Variants in CNTN6 observed in about 807,000 individuals in gnomAD.
CNTN6 encodes contactin 6.
CNTN6 carries 137 observed loss-of-function variants against 122.8 expected under a neutral mutation model. The observed-to-expected ratio is 1.12, with a 90% CI of 0.97 to 1.29. The LOEUF is 1.29. Ranked by LOEUF, CNTN6 falls within the 50% of genes most tolerant of loss-of-function variation. The probability of loss-of-function intolerance (pLI) is 0.00; values close to 1 mark genes in which losing one functional copy is unlikely to be tolerated. For synonymous variants in CNTN6, 570 were observed against 426.0 expected (o/e 1.34, Z -4.16); for missense variants, 1,634 against 1,223.4 (o/e 1.34, Z -5.01).
At chr3:1,185,181 G>C (rs1281420838) in intron 2 of CNTN6, among the ~76,000 whole-genome samples, 3 of 152,144 alleles carry the variant, frequency 2.0e-5, no homozygotes, top group Admixed American at 1.3e-4. Flanking sequence ...GAAGGTAATA[G>C]AATATGTCCT....
chr3:1,124,446 C>T (rs928832968), intron 1 of CNTN6, among the ~76,000 whole-genome samples: 16 of 151,876 alleles, frequency 1.1e-4, no homozygotes, highest in African/African-American at 3.4e-4. Context: ...GTCAAGTTAC[C>T]TTTGGCCTAT....
chr3:1,267,356 A>G (rs1477010331), intron 4 of CNTN6, among the ~76,000 whole-genome samples: 1 of 151,874 alleles, frequency 6.6e-6, no homozygotes, highest in Non-Finnish European at 1.5e-5. Context: ...TTTTTTAGTT[A>G]TGTGGTCTTG....
chr3:1,335,272 C>T (rs1702888465), intron 11 of CNTN6, among the ~76,000 whole-genome samples: 1 of 152,138 alleles, frequency 6.6e-6, no homozygotes, highest in Non-Finnish European at 1.5e-5. Context: ...GTATTTGTTG[C>T]TGTCATCGTA....
chr3:1,188,975 G>T (rs1227241651), intron 2 of CNTN6, among the ~76,000 whole-genome samples: 6 of 152,168 alleles, frequency 3.9e-5, no homozygotes, highest in Admixed American at 6.5e-5. Context: ...CCTGGCAGAA[G>T]CTTCACCTTT....
chr3:1,278,112 A>G lies in CNTN6; in HGVS notation c.359-301A>G, dbSNP rs538902368. ...AATCACACCTTCCTTGGACAGACAAAGTAAATATGTGTTGGGCTTCACAGA... is the reference window on the plus strand; with the variant it reads ...AATCACACCTTCCTTGGACAGACAAGGTAAATATGTGTTGGGCTTCACAGA... On this transcript the variant is annotated intron_variant, in intron 4 of 22. Coordinates refer to ENST00000446702, the MANE Select transcript of CNTN6 (RefSeq NM_001289080.2). Among the ~76,000 whole-genome samples, 88 of 152,340 alleles carry G rather than the reference A, an allele frequency of 5.8e-4. 3 individuals carry two copies. In the South Asian group the frequency reaches 0.017, roughly 29 times the overall value.
intron 1 of CNTN6, among the ~76,000 whole-genome samples, chr3:1,125,186 T>G (rs183353314): frequency 3.9e-5 from 6 of 152,104 alleles, no homozygotes; most frequent in Admixed American, 2.0e-4. Context: ...ATTTTAGTTA[T>G]CTAAATCTTT....
intron 20 of CNTN6, 63 bp downstream of exon 20, chr3:1,385,860 T>G (rs756304503): frequency 9.9e-6 from 14 of 1,410,574 alleles, no homozygotes; most frequent in Non-Finnish European, 1.3e-5. Context: ...TTCCTTTGCT[T>G]GATGTTCATT....
At chr3:1,133,529 A>G (rs989703954) in intron 1 of CNTN6, among the ~76,000 whole-genome samples, 3 of 152,202 alleles carry the variant, frequency 2.0e-5, no homozygotes, top group African/African-American at 7.2e-5. Context: ...CAAATCCTTC[A>G]CCTAGTGAGA....
intron 4 of CNTN6, among the ~76,000 whole-genome samples, chr3:1,263,560 A>T (rs2125715555): frequency 6.6e-6 from 1 of 152,248 alleles, no homozygotes; most frequent in East Asian, 1.9e-4. Context: ...TTCTCTAAGA[A>T]ACCTTTAATC....
chr3:1,388,245 T>TCCCTGAC (rs1423389889), intron 20 of CNTN6, among the ~76,000 whole-genome samples: 4 of 148,970 alleles, frequency 2.7e-5, no homozygotes, highest in Non-Finnish European at 6.0e-5. Flanking sequence ...CTCAAGTGGG[T>TCCCTGAC]CCCTGACCCC....
intron 4 of CNTN6, among the ~76,000 whole-genome samples, chr3:1,250,570 T>G (rs2094648869): frequency 6.6e-6 from 1 of 152,140 alleles, no homozygotes; most frequent in African/African-American, 2.4e-5. Flanking sequence ...TTGACTCCTG[T>G]GTACATAAGG....
At position 1,385,529 on chromosome 3, in the gene CNTN6, T is replaced by C. The variant is rs776380213; in HGVS notation, c.2518-82T>C. 3.7e-5 allele frequency: 41 copies of C among 1,104,894 alleles called. 1 individual carries two copies. The highest frequency in any genetic ancestry group is 2.3e-4 in the Middle Eastern group (1 of 4,430). The allele number at this position is 1,104,894 out of a possible 1,614,324, so 68.4% of individuals were successfully genotyped here. On this transcript the variant is annotated intron_variant, in intron 19 of 22. Transcript: ENST00000446702. ...TGTCTTCTTCCCATATTCCTTGTGG[T>C]TGTGGTTGATAGTTGTTGGTAAAAA...
chr3:1,275,468 A>G (rs2125775689), intron 4 of CNTN6, among the ~76,000 whole-genome samples: 1 of 152,168 alleles, frequency 6.6e-6, no homozygotes, highest in South Asian at 2.1e-4. Flanking sequence ...TCTCTCTCAT[A>G]TCTGTGGTTC....
intron 20 of CNTN6, chr3:1,394,068 G>T: frequency 6.2e-6 from 1 of 160,936 alleles, no homozygotes; most frequent in South Asian, 1.6e-4. Context: ...GCAATGAAGG[G>T]GGACAGATGG....
chr3:1,156,328 A>G (rs2125214964), intron 2 of CNTN6, among the ~76,000 whole-genome samples: 1 of 152,328 alleles, frequency 6.6e-6, no homozygotes, highest in Middle Eastern at 3.4e-3. Flanking sequence ...TGTGAAGAAG[A>G]ATTTTGTCAT....
chr3:1,215,522 G>C (rs568761101), intron 2 of CNTN6, among the ~76,000 whole-genome samples: 6 of 152,034 alleles, frequency 3.9e-5, no homozygotes, highest in Admixed American at 2.6e-4. Context: ...AAATTTATCT[G>C]GTTCTATTGT....
In CNTN6 at chr3:1,384,666, CTATATA is replaced by C. The variant is rs539955358; in HGVS notation, c.2518-928_2518-923del. On this transcript the variant is annotated intron_variant, in intron 19 of 22. Transcript: ENST00000446702. Reference sequence around the variant, plus strand: ...TAATCCTAAACATTCTTAATTTTGCCTATATATATATATATATATATACACACACAC... The same window carrying C: ...TAATCCTAAACATTCTTAATTTTGCCTATATATATATATATACACACACAC... 1.1e-3 allele frequency among the ~76,000 whole-genome samples: 120 copies of C among 113,552 alleles called. 1 individual carries two copies. The highest frequency in any genetic ancestry group is 3.3e-3 in the African/African-American group (91 of 27,976). The allele number at this position is 113,552 out of a possible 152,430, so 74.5% of individuals were successfully genotyped here. A position where few individuals can be genotyped will look rare whatever the true frequency, so the allele number is the denominator to read the frequency against.
chr3:1,227,988 TTGCATG>T lies in CNTN6; in HGVS notation c.356_358+3del, dbSNP rs2094306764. On this transcript the variant is annotated splice_donor_variant and coding_sequence_variant, in exon 4 of 23. Coordinates refer to ENST00000446702, the MANE Select transcript of CNTN6 (RefSeq NM_001289080.2). LOFTEE classifies it high-confidence loss of function. ...CTGAGTCGGAAGGCAAAGCTCCAATTTGCATGTGAGTTTGGGGTAAATTTTGTAATC... is the reference window on the plus strand; with the variant it reads ...CTGAGTCGGAAGGCAAAGCTCCAATTTGAGTTTGGGGTAAATTTTGTAATC... The T allele has an allele frequency of 3.7e-6, 6 of 1,613,014 alleles. No individual in the cohort carries two copies. Among genetic ancestry groups the T allele is most frequent in the Non-Finnish European group, 5.1e-6 (6 of 1,179,582 alleles).
chr3:1,219,008 T>C (rs558281880), intron 2 of CNTN6, among the ~76,000 whole-genome samples: 1 of 152,224 alleles, frequency 6.6e-6, no homozygotes, highest in Non-Finnish European at 1.5e-5. Context: ...GGCAAGCCAT[T>C]TGAAAGCATC....
Sources: allele counts gnomAD v4.1 joint callset (sites outside exome capture counted in the v4.1 genomes callset), GRCh38; gene constraint gnomAD v4.1.1; transcripts MANE v1.5; gene names NCBI Gene and HGNC (gene_info 2026-07-23, HGNC 2026-07-21).